Variants in PDE4D observed in about 807,000 individuals in gnomAD.
PDE4D encodes the protein phosphodiesterase 4D.
Under a neutral mutation model 87.4 loss-of-function variants are expected in PDE4D, and 24 were observed. That is an observed-to-expected ratio of 0.27 (90% CI 0.20 to 0.39). The LOEUF is 0.39. Ranked by LOEUF, PDE4D falls within the 10% of genes least tolerant of loss-of-function variation. The probability of loss-of-function intolerance (pLI) is 1.00; values close to 1 mark genes in which losing one functional copy is unlikely to be tolerated. For missense variants in PDE4D, 714 were observed against 1,041.0 expected (o/e 0.69, Z 4.32); for synonymous variants, 384 against 383.2 (o/e 1.00, Z -0.02).
At position 59,877,445 on chromosome 5, in the gene PDE4D, A is replaced by G. The variant is rs190074248; in HGVS notation, c.455+15723T>C. Among the ~76,000 whole-genome samples, 48 of 151,178 alleles carry G rather than the reference A, an allele frequency of 3.2e-4. No homozygotes were observed. The East Asian group carries it at 8.1e-3, about 26-fold the overall frequency. ...CATGGCACATGTATATCTATGTAAC[A>G]AACCTACACATTCAGCACATGTATG... is the stretch of plus-strand genomic sequence containing the variant. On this transcript the variant is annotated intron_variant, in intron 1 of 14. Transcript: ENST00000340635.
At chr5:60,370,527 A>G (rs1388336488) in intron 1 of PDE4D, among the ~76,000 whole-genome samples, 1 of 152,232 alleles carries the variant, frequency 6.6e-6, no homozygotes, top group African/African-American at 2.4e-5. Context: ...AGAAGGAAGT[A>G]ATAAGAAGAA....
intron 1 of PDE4D, among the ~76,000 whole-genome samples, chr5:59,414,582 G>A (rs1384724943): frequency 6.6e-6 from 1 of 152,182 alleles, no homozygotes; most frequent in East Asian, 1.9e-4. Flanking sequence ...AAGAGAAGGA[G>A]CCAGAAGAGT....
At chr5:59,972,364 C>T (rs909618323) in intron 3 of PDE4D, among the ~76,000 whole-genome samples, 4 of 152,170 alleles carry the variant, frequency 2.6e-5, no homozygotes, top group East Asian at 1.9e-4. Flanking sequence ...CTCATCCCCC[C>T]AGCTATCCCA....
chr5:59,759,984 A>G (rs1761773730), intron 1 of PDE4D, among the ~76,000 whole-genome samples: 1 of 152,348 alleles, frequency 6.6e-6, no homozygotes, highest in East Asian at 1.9e-4. Flanking sequence ...AAGAGAAATC[A>G]CTAAATAATG....
chr5:59,437,573 G>C (rs1359114751), intron 1 of PDE4D, among the ~76,000 whole-genome samples: 1 of 152,072 alleles, frequency 6.6e-6, no homozygotes, highest in Admixed American at 6.6e-5. Flanking sequence ...GGCAAACAAG[G>C]CTCTATATTT....
At chr5:59,461,726 A>G (rs1031898233) in intron 1 of PDE4D, among the ~76,000 whole-genome samples, 3 of 151,960 alleles carry the variant, frequency 2.0e-5, no homozygotes, top group African/African-American at 7.3e-5. Flanking sequence ...CTCAAAGAAA[A>G]CCAGATTTTT....
At chr5:59,701,348 G>A (rs1204675360) in intron 1 of PDE4D, among the ~76,000 whole-genome samples, 1 of 152,130 alleles carries the variant, frequency 6.6e-6, no homozygotes. Flanking sequence ...GTAAATATTT[G>A]CTTCCCCTGC....
intron 6 of PDE4D, chr5:58,999,731 A>G: frequency 9.5e-7 from 1 of 1,057,678 alleles, no homozygotes; most frequent in African/African-American, 1.7e-5. Context: ...CCCATCGAAT[A>G]CATGCCATTT....
chr5:59,477,498 T>C (rs191696822), intron 1 of PDE4D, among the ~76,000 whole-genome samples: 280 of 152,090 alleles, frequency 1.8e-3, no homozygotes, highest in Middle Eastern at 6.8e-3. Context: ...AAGAAACTCT[T>C]AGATATTTTA....
intron 2 of PDE4D, among the ~76,000 whole-genome samples, chr5:59,214,912 A>T (rs1037445119): frequency 1.7e-4 from 26 of 152,216 alleles, no homozygotes; most frequent in South Asian, 2.1e-4. Context: ...ACTAATTCTT[A>T]TAAGATAAAT....
chr5:60,050,829 G>A (rs1770047574), intron 2 of PDE4D, among the ~76,000 whole-genome samples: 1 of 152,070 alleles, frequency 6.6e-6, no homozygotes, highest in Admixed American at 6.5e-5. Context: ...CAAAACAAAG[G>A]GGTGGAGGAA....
At chr5:59,651,069 C>T (rs948899561) in intron 1 of PDE4D, among the ~76,000 whole-genome samples, 2 of 151,854 alleles carry the variant, frequency 1.3e-5, no homozygotes, top group African/African-American at 2.4e-5. Flanking sequence ...TCCTGGCCAA[C>T]ATAGTGAAAC....
chr5:59,119,637 T>A (rs1774159915), intron 5 of PDE4D, among the ~76,000 whole-genome samples: 1 of 152,192 alleles, frequency 6.6e-6, no homozygotes, highest in African/African-American at 2.4e-5. Context: ...GACTTTTACA[T>A]CAGTAACACT....
chr5:59,851,644 C>G (rs1264717132), intron 1 of PDE4D, among the ~76,000 whole-genome samples: 2 of 151,870 alleles, frequency 1.3e-5, no homozygotes, highest in Non-Finnish European at 2.9e-5. Flanking sequence ...TGCTGGTGGG[C>G]CAGATATAAT....
chr5:60,114,162 T>G (rs919351006), intron 2 of PDE4D, among the ~76,000 whole-genome samples: 7 of 152,158 alleles, frequency 4.6e-5, no homozygotes, highest in African/African-American at 1.7e-4. Flanking sequence ...TAGTATTTCA[T>G]AGACTCAGTA....
At position 59,155,489 on chromosome 5, in the gene PDE4D, C is replaced by T. The variant is rs74435612; in HGVS notation, c.808+25106G>A. On this transcript the variant is annotated intron_variant, in intron 5 of 14. Coordinates refer to ENST00000340635, the MANE Select transcript of PDE4D (RefSeq NM_001104631.2). ...TGGAACAGAGGTGTTGTGAGAAAGT[C>T]GTACTACAGTGGACTGCAGACTGAA... 4.5e-3 allele frequency among the ~76,000 whole-genome samples: 688 copies of T among 152,240 alleles called. 45 individuals carry two copies. The East Asian group carries it at 0.12, about 26-fold the overall frequency.
chr5:59,848,655 T>C lies in PDE4D; in HGVS notation c.455+44513A>G, dbSNP rs542068444. On this transcript the variant is annotated intron_variant, in intron 1 of 14. Transcript: ENST00000340635. ...CTATAATAACGGTATTAAGAGTGAG[T>C]AAAGCACATCAAAACTACAATGAGA... Among the ~76,000 whole-genome samples, 20 of 152,022 alleles carry C rather than the reference T, an allele frequency of 1.3e-4. No homozygotes were observed. The South Asian group carries it at 4.2e-3, about 32-fold the overall frequency.
At chr5:60,451,114 A>G (rs1208777012) in intron 1 of PDE4D, among the ~76,000 whole-genome samples, 2 of 152,128 alleles carry the variant, frequency 1.3e-5, no homozygotes, top group Non-Finnish European at 2.9e-5. Context: ...TCTGGAGATC[A>G]CTAGGCCTCC....
rs562865529 is a variant in PDE4D, at chr5:59,726,532, G to A, written c.455+166636C>T. On this transcript the variant is annotated intron_variant, in intron 1 of 14. Transcript: ENST00000340635. ...GCACTGACTGCAAGCCAGGAAGAGG[G>A]CCCCCAATAGAACCTAAACATGCTG... 9.9e-5 allele frequency among the ~76,000 whole-genome samples: 15 copies of A among 152,084 alleles called. No individual in the cohort carries two copies. In the South Asian group the frequency reaches 2.7e-3, roughly 27 times the overall value.
Sources: allele counts gnomAD v4.1 joint callset (sites outside exome capture counted in the v4.1 genomes callset), GRCh38; gene constraint gnomAD v4.1.1; transcripts MANE v1.5; gene names NCBI Gene and HGNC (gene_info 2026-07-23, HGNC 2026-07-21).